Variants in ENTPD1 observed in about 807,000 individuals in gnomAD.
ENTPD1 encodes the protein ATP diphosphohydrolase.
ENTPD1 carries 33 observed loss-of-function variants against 57.0 expected under a neutral mutation model. The observed-to-expected ratio is 0.58, with a 90% CI of 0.44 to 0.77. The LOEUF (loss-of-function observed/expected upper bound fraction) is 0.77. Ranked by LOEUF, ENTPD1 falls within the 30% of genes least tolerant of loss-of-function variation. ENTPD1 has a pLI of 0.00. For synonymous variants in ENTPD1, 202 were observed against 218.8 expected (o/e 0.92, Z 0.68); for missense variants, 501 against 603.4 (o/e 0.83, Z 1.78).
chr10:95,796,321 A>G (rs1169339442), intron 1 of ENTPD1, among the ~76,000 whole-genome samples: 1 of 152,146 alleles, frequency 6.6e-6, no homozygotes, highest in East Asian at 1.9e-4. Context: ...AAAGGAGGGT[A>G]TTTCGTCCAT....
intron 1 of ENTPD1, among the ~76,000 whole-genome samples, chr10:95,736,133 T>C (rs891247274): frequency 6.6e-6 from 1 of 151,930 alleles, no homozygotes; most frequent in African/African-American, 2.4e-5. Context: ...CCAGAGTAGC[T>C]GGGATTACAG....
intron 1 of ENTPD1, among the ~76,000 whole-genome samples, chr10:95,739,125 C>T (rs185844214): frequency 6.6e-6 from 1 of 152,330 alleles, no homozygotes; most frequent in East Asian, 1.9e-4. Context: ...TAATGATCAT[C>T]TAAACCTTCT....
rs978043457 is a variant in ENTPD1, at chr10:95,874,576, TG to T, written c.*8197del. On this transcript the variant is annotated 3_prime_UTR_variant, in exon 10 of 10. Coordinates refer to ENST00000371205, the MANE Select transcript of ENTPD1 (RefSeq NM_001776.6). ...TCTACCATTCTGGGGTCTACCATTC[TG>T]GGGTCTACCGTTCTGGGACTGTGGC... Among the ~76,000 whole-genome samples, 1 of 152,214 alleles carries T rather than the reference TG, an allele frequency of 6.6e-6. No individual in the cohort carries two copies. The highest frequency in any genetic ancestry group is 1.5e-5 in the Non-Finnish European group (1 of 68,038).
At chr10:95,806,053 G>A (rs2098270881) in intron 1 of ENTPD1, among the ~76,000 whole-genome samples, 1 of 152,204 alleles carries the variant, frequency 6.6e-6, no homozygotes, top group South Asian at 2.1e-4. Flanking sequence ...GCTAGGTTGG[G>A]GAAGTTCTCC....
intron 1 of ENTPD1, among the ~76,000 whole-genome samples, chr10:95,787,920 C>T (rs188180542): frequency 6.6e-6 from 1 of 152,234 alleles, no homozygotes; most frequent in East Asian, 1.9e-4. Flanking sequence ...CAACCCCCAC[C>T]CCCAAATTCC....
the ENTPD1 span, among the ~76,000 whole-genome samples, chr10:95,694,908 T>TTC: frequency 6.8e-6 from 1 of 147,760 alleles, no homozygotes; most frequent in Non-Finnish European, 1.5e-5. Context: ...TTTTTTTTTT[T>TTC]TTTTTTTTTT....
intron 1 of ENTPD1, chr10:95,756,651 G>A: frequency 5.4e-6 from 1 of 186,148 alleles, no homozygotes; most frequent in Admixed American, 5.6e-5. Flanking sequence ...TGGGCTCTGC[G>A]TGTAGATTTG....
intron 1 of ENTPD1, chr10:95,712,010 A>G: frequency 6.2e-7 from 1 of 1,613,902 alleles, no homozygotes. Flanking sequence ...AATTCTTACC[A>G]GTCAGGCTCC....
At chr10:95,712,489 G>C (rs1049283933) in intron 1 of ENTPD1, among the ~76,000 whole-genome samples, 1 of 152,180 alleles carries the variant, frequency 6.6e-6, no homozygotes, top group African/African-American at 2.4e-5. Context: ...GGTCACATTA[G>C]GTGACCAGTC....
At chr10:95,823,492 A>G in intron 2 of ENTPD1, 128 bp downstream of exon 2, 4 of 1,406,180 alleles carry the variant, frequency 2.8e-6, no homozygotes, top group Non-Finnish European at 4.0e-6. Context: ...GAACAAGTCA[A>G]TTTCCACTGG....
At chr10:95,711,977 G>A in exon 1 of ENTPD1, 2 of 1,613,730 alleles carry the variant, frequency 1.2e-6, no homozygotes, top group South Asian at 1.1e-5. Context: ...CCAAGGACCT[G>A]ACAAGCCAGC....
chr10:95,748,339 C>A (rs1264146514), intron 1 of ENTPD1, among the ~76,000 whole-genome samples: 1 of 152,194 alleles, frequency 6.6e-6, no homozygotes, highest in African/African-American at 2.4e-5. Context: ...AATAATACCC[C>A]ATATAACCAC....
intron 7 of ENTPD1, among the ~76,000 whole-genome samples, chr10:95,851,892 G>A (rs61869606): frequency 0.018 from 2,753 of 152,130 alleles, 37 homozygotes; most frequent in Admixed American, 0.028. Flanking sequence ...GTAAACATAC[G>A]TGTGCATGTG....
chr10:95,787,476 A>T (rs1275102247), intron 1 of ENTPD1, among the ~76,000 whole-genome samples: 2 of 152,222 alleles, frequency 1.3e-5, no homozygotes, highest in South Asian at 2.1e-4. Flanking sequence ...GCTGTATGAA[A>T]ATATAGAAGT....
chr10:95,695,058 G>A, the ENTPD1 span, among the ~76,000 whole-genome samples: 1 of 151,712 alleles, frequency 6.6e-6, no homozygotes, highest in African/African-American at 2.4e-5. Flanking sequence ...GCGCCACCAC[G>A]CCCGGCTAAT....
At chr10:95,837,620 A>G (rs1217054339) in intron 2 of ENTPD1, among the ~76,000 whole-genome samples, 2 of 152,126 alleles carry the variant, frequency 1.3e-5, no homozygotes, top group African/African-American at 4.8e-5. Context: ...AACACTGTGG[A>G]GGTTATGGCA....
Position 95,866,331 on chromosome 10 carries a change from T to C in ENTPD1, c.1481T>C (p.Ile494Thr), listed in dbSNP as rs1448538998. 6.8e-6 allele frequency: 11 copies of C among 1,614,108 alleles called. No homozygotes were observed. Among genetic ancestry groups the C allele is most frequent in the Non-Finnish European group, 7.6e-6 (9 of 1,180,034 alleles). Reference protein sequence around the residue: ...FSLVLFTVAIIGLLIFHKPSY... With the variant: ...FSLVLFTVAITGLLIFHKPSY... ...CTGGTCCTTTTCACAGTGGCCATCA[T>C]AGGCTTGCTTATCTTTCACAAGCCT... The change falls in exon 10 of 10, where the codon ATA (isoleucine) becomes ACA (threonine). Residue 494 changes from isoleucine (I) to threonine (T), a missense_variant. Coordinates refer to ENST00000371205, the MANE Select transcript of ENTPD1 (RefSeq NM_001776.6).
At chr10:95,784,159 A>G (rs2098169036) in intron 1 of ENTPD1, among the ~76,000 whole-genome samples, 1 of 145,336 alleles carries the variant, frequency 6.9e-6, no homozygotes, top group Admixed American at 7.1e-5. Context: ...ACCATTTGCC[A>G]AATTACCCAT....
At chr10:95,744,119 A>G (rs1045443236) in intron 1 of ENTPD1, among the ~76,000 whole-genome samples, 5 of 149,618 alleles carry the variant, frequency 3.3e-5, no homozygotes, top group African/African-American at 1.2e-4. Flanking sequence ...TCTAACGTTA[A>G]TCCATTACCA....
Sources: gnomAD v4.1 joint callset for allele counts (sites outside exome capture counted in the v4.1 genomes callset) on GRCh38, gnomAD v4.1.1 for gene constraint, MANE v1.5 for transcripts, NCBI Gene and HGNC (gene_info 2026-07-23, HGNC 2026-07-21) for gene names.